Variants in ELP4 observed in about 807,000 individuals in gnomAD.
ELP4 encodes elongator complex protein 4.
A neutral mutation model predicts 48.9 loss-of-function variants in ELP4; 51 were observed. That is an observed-to-expected ratio of 1.04 (90% CI 0.83 to 1.32). The LOEUF is 1.32. Among genes scored for constraint, ELP4 ranks in the 40% most tolerant of loss-of-function variants. The pLI is 0.00. For synonymous variants in ELP4, 210 were observed against 189.2 expected (o/e 1.11, Z -0.90); for missense variants, 519 against 514.6 (o/e 1.01, Z -0.08).
At chr11:31,615,626 A>G (rs1453895824) in intron 5 of ELP4, among the ~76,000 whole-genome samples, 1 of 151,230 alleles carries the variant, frequency 6.6e-6, no homozygotes, top group African/African-American at 2.4e-5. Context: ...CCACTTTTTC[A>G]TTTAAGAAAA....
At chr11:31,716,458 A>G (rs1946844010) in intron 9 of ELP4, among the ~76,000 whole-genome samples, 1 of 152,204 alleles carries the variant, frequency 6.6e-6, no homozygotes, top group Non-Finnish European at 1.5e-5. Context: ...ATGGGGATAA[A>G]TATAGTTTCT....
chr11:31,781,029 T>C (rs1056667802), intron 9 of ELP4, among the ~76,000 whole-genome samples: 9 of 152,248 alleles, frequency 5.9e-5, no homozygotes, highest in Admixed American at 5.9e-4. Flanking sequence ...CTTTCTTGTA[T>C]ACCTAACTTG....
At chr11:31,634,000 A>G (rs531974583) in intron 7 of ELP4, 1 of 152,150 alleles carries the variant, frequency 6.6e-6, no homozygotes, top group Non-Finnish European at 1.5e-5. Flanking sequence ...TAATCATCAC[A>G]AAAACCCTGC....
intron 3 of ELP4, among the ~76,000 whole-genome samples, chr11:31,586,959 G>C (rs920509740): frequency 2.0e-5 from 3 of 151,926 alleles, no homozygotes; most frequent in African/African-American, 7.2e-5. Flanking sequence ...TAAACATGAA[G>C]AAACTCCATG....
At chr11:31,717,577 A>T (rs562499899) in intron 9 of ELP4, among the ~76,000 whole-genome samples, 32 of 151,818 alleles carry the variant, frequency 2.1e-4, no homozygotes, top group African/African-American at 7.0e-4. Context: ...AATACAGTAA[A>T]ACCTCATCTC....
chr11:31,706,810 A>T (rs915685345), intron 9 of ELP4, among the ~76,000 whole-genome samples: 1 of 152,000 alleles, frequency 6.6e-6, no homozygotes, highest in Admixed American at 6.6e-5. Context: ...TTTAGCTCCC[A>T]CATATGAGTG....
intron 2 of ELP4, among the ~76,000 whole-genome samples, chr11:31,538,718 T>C (rs1956545586): frequency 6.6e-6 from 1 of 151,960 alleles, no homozygotes. Context: ...TTACCATATT[T>C]GGTTTTATGA....
chr11:31,783,311 A>T (rs2134290548), intron 9 of ELP4, 82 bp from the exon 10 acceptor site: 1 of 1,264,686 alleles, frequency 7.9e-7, no homozygotes, highest in African/African-American at 1.5e-5. Context: ...TAATATTGTA[A>T]TCTGAAGTAT....
intron 9 of ELP4, among the ~76,000 whole-genome samples, chr11:31,762,565 T>C (rs2134256216): frequency 6.6e-6 from 1 of 152,196 alleles, no homozygotes; most frequent in South Asian, 2.1e-4. Flanking sequence ...TTTGGTTTTA[T>C]ATTTTGCATT....
At chr11:31,633,241 A>G (rs1468760097) in intron 7 of ELP4, 2 of 152,090 alleles carry the variant, frequency 1.3e-5, no homozygotes, top group African/African-American at 4.8e-5. Flanking sequence ...ACATTTAGTT[A>G]CATTCATTAT....
At chr11:31,699,783 A>G (rs977058991) in intron 9 of ELP4, among the ~76,000 whole-genome samples, 3 of 152,168 alleles carry the variant, frequency 2.0e-5, no homozygotes, top group Non-Finnish European at 4.4e-5. Context: ...TGTATGGCAC[A>G]TCACCTTGAT....
Position 31,788,435 on chromosome 11 carries a change from T to C in ELP4, c.*4911T>C, listed in dbSNP as rs999471812. ...GCTGTAGTGGTTCAATGGGAAATGA[T>C]GCCTCTTGTGCAAAGGGGAGGGAGA... On this transcript the variant is annotated 3_prime_UTR_variant, in exon 10 of 10. Transcript: ENST00000640961. The C allele has an allele frequency of 9.0e-6, 2 of 223,348 alleles. No individual in the cohort carries two copies. Among genetic ancestry groups the C allele is most frequent in the African/African-American group, 2.2e-5 (1 of 44,788 alleles). 13.8% of individuals were successfully genotyped at this position (223,348 alleles called of 1,614,324 possible). A position where few individuals can be genotyped will look rare whatever the true frequency, so the allele number is the denominator to read the frequency against.
chr11:31,576,726 A>T (rs191047834), intron 3 of ELP4, among the ~76,000 whole-genome samples: 293 of 152,320 alleles, frequency 1.9e-3, no homozygotes, highest in African/African-American at 6.7e-3. Flanking sequence ...AGAAATAAGG[A>T]TGTTCTTTGA....
intron 2 of ELP4, among the ~76,000 whole-genome samples, chr11:31,521,398 A>C (rs980581476): frequency 6.6e-6 from 1 of 152,008 alleles, no homozygotes; most frequent in African/African-American, 2.4e-5. Flanking sequence ...TAGTTTTCCC[A>C]CTATTCCATA....
chr11:31,523,768 A>G (rs1956253581), intron 2 of ELP4, among the ~76,000 whole-genome samples: 2 of 152,154 alleles, frequency 1.3e-5, no homozygotes, highest in African/African-American at 2.4e-5. Context: ...AAAATCAAAG[A>G]TAGATTTTTC....
intron 3 of ELP4, among the ~76,000 whole-genome samples, chr11:31,562,137 T>C (rs1045848711): frequency 6.6e-6 from 1 of 152,318 alleles, no homozygotes; most frequent in Non-Finnish European, 1.5e-5. Context: ...ACTACCAGAT[T>C]GGGATAGAAC....
chr11:31,658,125 C>T (rs11031440), intron 9 of ELP4, among the ~76,000 whole-genome samples: 92,047 of 151,792 alleles, frequency 0.61, 31,672 homozygotes, highest in Non-Finnish European at 0.76. Flanking sequence ...ATGCCCTAAG[C>T]TGTACTGCTA....
intron 9 of ELP4, among the ~76,000 whole-genome samples, chr11:31,672,002 G>C (rs1228256723): frequency 6.6e-6 from 1 of 151,958 alleles, no homozygotes; most frequent in African/African-American, 2.4e-5. Context: ...ACTGGCTTTT[G>C]GCTGCTTAGT....
At chr11:31,782,594 T>C (rs1219709446) in intron 9 of ELP4, among the ~76,000 whole-genome samples, 1 of 152,246 alleles carries the variant, frequency 6.6e-6, no homozygotes, top group East Asian at 1.9e-4. Flanking sequence ...ATATGGATGT[T>C]TCTCCCTAAT....
Sources: allele counts gnomAD v4.1 joint callset (sites outside exome capture counted in the v4.1 genomes callset), GRCh38; gene constraint gnomAD v4.1.1; transcripts MANE v1.5; gene names NCBI Gene and HGNC (gene_info 2026-07-23, HGNC 2026-07-21).